The following NME7 variants were observed in gnomAD, a reference collection of about 807,000 sequenced individuals.
NME7 encodes NME/NM23 family member 7.
A neutral mutation model predicts 49.1 loss-of-function variants in NME7; 41 were observed. The ratio of observed to expected loss-of-function variants is 0.83; its 90% CI spans 0.65 to 1.08. NME7 has a LOEUF of 1.08. Among genes scored for constraint, NME7 ranks in the 50% least tolerant of loss-of-function variants. The pLI is 0.00. For missense variants in NME7, 423 were observed against 463.4 expected, an observed-to-expected ratio of 0.91 and a Z score of 0.80; for synonymous variants, 139 against 150.6, an observed-to-expected ratio of 0.92 and a Z score of 0.56.
chr1:169,245,667 T>C (rs1307387940), intron 7 of NME7, among the ~76,000 whole-genome samples: 1 of 152,208 alleles, frequency 6.6e-6, no homozygotes, highest in Admixed American at 6.5e-5. Context: ...AAGGATATGA[T>C]TTCCTTTAAA....
At chr1:169,298,815 TTTGTC>T (rs1650818850) in intron 5 of NME7, 52 bp from the exon 6 acceptor site, 1 of 1,432,690 alleles carries the variant, frequency 7.0e-7, no homozygotes, top group Non-Finnish European at 9.8e-7. Context: ...CAACTAGGTA[TTTGTC>T]TTAACGACAG....
At chr1:169,252,731 T>C (rs879632401) in intron 7 of NME7, among the ~76,000 whole-genome samples, 24 of 149,674 alleles carry the variant, frequency 1.6e-4, no homozygotes, top group Non-Finnish European at 3.1e-4. Context: ...CTTGAATTGA[T>C]TTTTGTATAA....
chr1:169,296,514 C>A (rs1650714067), intron 6 of NME7, among the ~76,000 whole-genome samples: 1 of 151,796 alleles, frequency 6.6e-6, no homozygotes, highest in Non-Finnish European at 1.5e-5. Flanking sequence ...CTCTTTACTT[C>A]TCTATCTATA....
intron 1 of NME7, among the ~76,000 whole-genome samples, chr1:169,335,587 G>A (rs964047586): frequency 1.3e-5 from 2 of 151,540 alleles, no homozygotes; most frequent in Non-Finnish European, 2.9e-5. Flanking sequence ...CTTAGGGGAC[G>A]AGTCAATAGG....
intron 7 of NME7, among the ~76,000 whole-genome samples, chr1:169,272,816 T>C (rs1649536647): frequency 7.5e-6 from 1 of 133,190 alleles, no homozygotes; most frequent in African/African-American, 2.5e-5. Flanking sequence ...TACCCAGTAA[T>C]GGCATTGCTG....
intron 11 of NME7, among the ~76,000 whole-genome samples, chr1:169,145,341 G>C (rs940607959): frequency 6.6e-6 from 1 of 152,284 alleles, no homozygotes; most frequent in South Asian, 2.1e-4. Context: ...TAAGCATAAT[G>C]CATAATGGAC....
At chr1:169,327,966 A>G (rs1652124399) in intron 1 of NME7, among the ~76,000 whole-genome samples, 1 of 152,190 alleles carries the variant, frequency 6.6e-6, no homozygotes, top group African/African-American at 2.4e-5. Context: ...TCATTTCAAT[A>G]ATACTGATCA....
At chr1:169,336,745 G>A (rs766728805) in intron 1 of NME7, among the ~76,000 whole-genome samples, 27 of 149,728 alleles carry the variant, frequency 1.8e-4, no homozygotes, top group Middle Eastern at 3.6e-3. Flanking sequence ...TGGTGCAATC[G>A]CAAACCTTAA....
intron 3 of NME7, among the ~76,000 whole-genome samples, chr1:169,320,377 T>A (rs1651808900): frequency 6.6e-6 from 1 of 152,206 alleles, no homozygotes; most frequent in African/African-American, 2.4e-5. Flanking sequence ...ATTATCTGGA[T>A]AACTGCTCCC....
chr1:169,313,207 GAAA>G (rs35862763), intron 3 of NME7, among the ~76,000 whole-genome samples: 1 of 126,196 alleles, frequency 7.9e-6, no homozygotes, highest in African/African-American at 2.9e-5. Context: ...GGACAAAAGT[GAAA>G]AAAAAAAAAA....
At chr1:169,158,348 C>T (rs1243147277) in intron 11 of NME7, among the ~76,000 whole-genome samples, 1 of 152,190 alleles carries the variant, frequency 6.6e-6, no homozygotes, top group Non-Finnish European at 1.5e-5. Context: ...TCATACTACT[C>T]AGAACGGCAT....
intron 1 of NME7, among the ~76,000 whole-genome samples, chr1:169,355,870 T>C (rs1239674792): frequency 6.6e-6 from 1 of 152,178 alleles, no homozygotes; most frequent in Non-Finnish European, 1.5e-5. Flanking sequence ...TGGGACTTTG[T>C]CACTGATTGC....
At chr1:169,246,117 T>C (rs1192840226) in intron 7 of NME7, among the ~76,000 whole-genome samples, 1 of 151,848 alleles carries the variant, frequency 6.6e-6, no homozygotes, top group African/African-American at 2.4e-5. Context: ...CTGGGCAACA[T>C]GGTAAAACTT....
chr1:169,295,192 CT>C (rs1650661118), intron 6 of NME7, among the ~76,000 whole-genome samples: 1 of 152,122 alleles, frequency 6.6e-6, no homozygotes, highest in Non-Finnish European at 1.5e-5. Context: ...AACCTTTTTC[CT>C]TTATAAATGA....
At chr1:169,169,081 A>G (rs762401664) in intron 11 of NME7, 2 of 468,894 alleles carry the variant, frequency 4.3e-6, no homozygotes, top group Non-Finnish European at 8.3e-6. Flanking sequence ...AGAAAAAAAT[A>G]TCTAAATTCT....
chr1:169,345,460 G>A (rs977784807), intron 1 of NME7, among the ~76,000 whole-genome samples: 1 of 150,324 alleles, frequency 6.7e-6, no homozygotes, highest in Non-Finnish European at 1.5e-5. Flanking sequence ...TCAAACTCCT[G>A]GCCTCAAGTG....
At chr1:169,277,434 T>C (rs184254665) in intron 7 of NME7, among the ~76,000 whole-genome samples, 9,473 of 125,228 alleles carry the variant, frequency 0.076, 621 homozygotes, top group Admixed American at 0.17. Context: ...CCTTTACCAA[T>C]ATGTAATGGC....
chr1:169,344,014 C>T (rs1020874586), intron 1 of NME7, among the ~76,000 whole-genome samples: 1 of 152,172 alleles, frequency 6.6e-6, no homozygotes, highest in Non-Finnish European at 1.5e-5. Flanking sequence ...AGAATCACCA[C>T]CTTAACCACA....
At chr1:169,342,846 AT>A (rs1360182516) in intron 1 of NME7, among the ~76,000 whole-genome samples, 1 of 91,112 alleles carries the variant, frequency 1.1e-5, no homozygotes, top group Non-Finnish European at 2.1e-5. Context: ...ACATATATAT[AT>A]AGTATATATA....
Sources: allele counts gnomAD v4.1 joint callset (sites outside exome capture counted in the v4.1 genomes callset), GRCh38; gene constraint gnomAD v4.1.1; transcripts MANE v1.5; gene names NCBI Gene and HGNC (gene_info 2026-07-23, HGNC 2026-07-21).